The following SGPP2 variants were observed in gnomAD, a reference collection of about 807,000 sequenced individuals.
SGPP2 encodes sphingosine 1-phosphate phosphohydrolase 2.
In SGPP2, 30 loss-of-function variants were observed where a neutral mutation model predicts 33.9. That is an observed-to-expected ratio of 0.89 (90% CI 0.66 to 1.20). The LOEUF is 1.20. Ranked by LOEUF, SGPP2 falls within the 50% of genes most tolerant of loss-of-function variation. The pLI, the probability that SGPP2 is intolerant of heterozygous loss-of-function variation, is 0.00. For missense variants in SGPP2, 458 were observed against 532.1 expected, an observed-to-expected ratio of 0.86 and a Z score of 1.37; for synonymous variants, 233 against 225.0, an observed-to-expected ratio of 1.04 and a Z score of -0.32.
intron 1 of SGPP2, among the ~76,000 whole-genome samples, chr2:222,473,351 C>T (rs1357027829): frequency 6.6e-6 from 1 of 152,086 alleles, no homozygotes; most frequent in African/African-American, 2.4e-5. Flanking sequence ...TTCCTTGACT[C>T]GGGGCCACTC....
intron 2 of SGPP2, among the ~76,000 whole-genome samples, chr2:222,486,219 G>C (rs1028624217): frequency 1.1e-4 from 16 of 152,328 alleles, no homozygotes; most frequent in African/African-American, 3.6e-4. Context: ...GGAAACTGAG[G>C]CTTTCTGAAT....
intron 1 of SGPP2, among the ~76,000 whole-genome samples, chr2:222,427,338 G>T (rs1697085793): frequency 6.6e-6 from 1 of 152,138 alleles, no homozygotes; most frequent in Non-Finnish European, 1.5e-5. Flanking sequence ...ATAAGTCACT[G>T]CATCTTCCAC....
At position 222,466,091 on chromosome 2, in the gene SGPP2, C is replaced by T. The variant is rs1442403564; in HGVS notation, c.220-8477C>T. Among the ~76,000 whole-genome samples, 8 of 152,168 alleles carry T rather than the reference C, an allele frequency of 5.3e-5. No homozygotes were observed. In the East Asian group the frequency reaches 1.5e-3, roughly 29 times the overall value. ...GGAGGATTGCTTGAAGTCAGGAGTT[C>T]AAGACCAGCCTGAGGAACATAGTGA... On this transcript the variant is annotated intron_variant, in intron 1 of 4. Transcript: ENST00000321276.
Position 222,474,584 on chromosome 2 carries a change from A to G in SGPP2, c.236A>G (p.Tyr79Cys). 1 of 1,614,032 alleles carries G rather than the reference A, an allele frequency of 6.2e-7. No homozygotes were observed. The highest frequency in any genetic ancestry group is 8.5e-7 in the Non-Finnish European group (1 of 1,179,990). ...AAAPEAYVQKYVVKNYFYYYL... is the reference protein window; with the variant it reads ...AAAPEAYVQKCVVKNYFYYYL... ...GTCTTTTAGGCTTATGTACAGAAGT[A>G]CGTCGTGAAGAATTATTTCTACTAT... The change falls in exon 2 of 5, where the codon TAC becomes TGC. Residue 79 changes from tyrosine (Y) to cysteine (C), a missense_variant. Physicochemically the swap from Tyr to Cys is radical, Grantham distance 194 (BLOSUM62 -2). Transcript: ENST00000321276.
chr2:222,547,157 A>G (rs192684772), intron 4 of SGPP2, among the ~76,000 whole-genome samples: 25 of 152,328 alleles, frequency 1.6e-4, no homozygotes, highest in Admixed American at 6.5e-4. Context: ...ATAGCGTCCA[A>G]CGTAACTCTT....
Position 222,561,277 on chromosome 2 carries a change from A to G in SGPP2, c.*2379A>G, listed in dbSNP as rs1574899478. Among the ~76,000 whole-genome samples the G allele has an allele frequency of 6.6e-6, 1 of 151,826 alleles. No individual in the cohort carries two copies. The highest frequency in any genetic ancestry group is 2.1e-4 in the South Asian group (1 of 4,820). The stretch of plus-strand genomic sequence containing the variant: ...AGGGGAAGGGCCTTAGCTTACAGGT[A>G]CTCCCAGCCTTCATCTGCCCCTGCA... On this transcript the variant is annotated 3_prime_UTR_variant, in exon 5 of 5. Coordinates refer to ENST00000321276, the MANE Select transcript of SGPP2 (RefSeq NM_152386.4).
At chr2:222,523,256 T>A (rs1313151303) in intron 3 of SGPP2, among the ~76,000 whole-genome samples, 1 of 152,230 alleles carries the variant, frequency 6.6e-6, no homozygotes, top group Non-Finnish European at 1.5e-5. Flanking sequence ...GATATCATCT[T>A]TTGTCATAAG....
At chr2:222,468,775 T>A (rs907734809) in intron 1 of SGPP2, among the ~76,000 whole-genome samples, 24 of 152,256 alleles carry the variant, frequency 1.6e-4, no homozygotes, top group African/African-American at 5.3e-4. Flanking sequence ...GCAGTCAATC[T>A]GCATGCCTCC....
chr2:222,482,664 T>G (rs1698046532), intron 2 of SGPP2, among the ~76,000 whole-genome samples: 1 of 152,136 alleles, frequency 6.6e-6, no homozygotes, highest in South Asian at 2.1e-4. Context: ...TAGGCATGGG[T>G]CACCCCTCAA....
At chr2:222,441,905 T>C (rs1039041220) in intron 1 of SGPP2, among the ~76,000 whole-genome samples, 19 of 152,338 alleles carry the variant, frequency 1.2e-4, no homozygotes, top group Middle Eastern at 3.4e-3. Context: ...TATTAAACTA[T>C]GTGAAGTACT....
At chr2:222,457,877 G>A (rs1188309372) in intron 1 of SGPP2, among the ~76,000 whole-genome samples, 1 of 152,166 alleles carries the variant, frequency 6.6e-6, no homozygotes, top group African/African-American at 2.4e-5. Flanking sequence ...AGGAAATGCT[G>A]GGATTGCCAA....
rs1689516273 is a variant in SGPP2, at chr2:222,560,448, C to T, written c.*1550C>T. 1 of 152,166 alleles carries T rather than the reference C, an allele frequency of 6.6e-6. No homozygotes were observed. The highest frequency in any genetic ancestry group is 2.4e-5 in the African/African-American group (1 of 41,432). 9.4% of individuals were successfully genotyped at this position (152,166 alleles called of 1,614,324 possible). A position where few individuals can be genotyped will look rare whatever the true frequency, so the allele number is the denominator to read the frequency against. ...AAAACAAGCCAACCAAATACAAAAC[C>T]CATTAAGCCTACTAGGGTGAGTCCT... is the stretch of plus-strand genomic sequence containing the variant. On this transcript the variant is annotated 3_prime_UTR_variant, in exon 5 of 5. Transcript: ENST00000321276.
intron 1 of SGPP2, among the ~76,000 whole-genome samples, chr2:222,448,060 C>T (rs570055132): frequency 6.6e-5 from 10 of 152,242 alleles, no homozygotes; most frequent in Non-Finnish European, 1.0e-4. Flanking sequence ...AGGTAGTATT[C>T]GGCAGAACCT....
chr2:222,521,567 A>C (rs541758756), intron 2 of SGPP2, among the ~76,000 whole-genome samples, 200 bp from the exon 3 acceptor site: 1 of 152,392 alleles, frequency 6.6e-6, no homozygotes, highest in East Asian at 1.9e-4. Flanking sequence ...TTAGTTGCTC[A>C]GTGGTCCTAT....
rs977963860 is a variant in SGPP2 at position 222,456,398 on chromosome 2, T to A, written c.220-18170T>A. ...TGTTGAGCACTTGAAATGCAACTGGTACTATTGGGAACTGGATCTTTTATT... is the reference window on the plus strand; with the variant it reads ...TGTTGAGCACTTGAAATGCAACTGGAACTATTGGGAACTGGATCTTTTATT... On this transcript the variant is annotated intron_variant, in intron 1 of 4. Coordinates refer to ENST00000321276, the MANE Select transcript of SGPP2 (RefSeq NM_152386.4). Among the ~76,000 whole-genome samples, 4 of 152,184 alleles carry A rather than the reference T, an allele frequency of 2.6e-5. No homozygotes were observed. The South Asian group carries it at 8.3e-4, about 32-fold the overall frequency.
chr2:222,510,398 C>T (rs1461107211), intron 2 of SGPP2, among the ~76,000 whole-genome samples: 1 of 152,196 alleles, frequency 6.6e-6, no homozygotes, highest in African/African-American at 2.4e-5. Context: ...GCTCATTGTT[C>T]TCTTGCCTCC....
At chr2:222,486,566 A>G (rs1160258388) in intron 2 of SGPP2, among the ~76,000 whole-genome samples, 1 of 151,980 alleles carries the variant, frequency 6.6e-6, no homozygotes, top group Non-Finnish European at 1.5e-5. Flanking sequence ...CAAGATATTC[A>G]CTCTCTGTGT....
chr2:222,519,817 C>T (rs114202441), intron 2 of SGPP2, among the ~76,000 whole-genome samples: 3,647 of 152,264 alleles, frequency 0.024, 60 homozygotes, highest in South Asian at 0.045. Context: ...TCCTCCAGCT[C>T]CATCCATGTT....
chr2:222,511,895 T>C (rs1268815751), intron 2 of SGPP2, among the ~76,000 whole-genome samples: 1 of 152,102 alleles, frequency 6.6e-6, no homozygotes, highest in Admixed American at 6.5e-5. Context: ...CCCAGGCTGG[T>C]CTCAAACTCC....
Sources: allele counts gnomAD v4.1 joint callset (sites outside exome capture counted in the v4.1 genomes callset), GRCh38; gene constraint gnomAD v4.1.1; transcripts MANE v1.5; gene names NCBI Gene and HGNC (gene_info 2026-07-23, HGNC 2026-07-21).